The following BAG6 variants were observed in gnomAD, a reference collection of about 807,000 sequenced individuals.
BAG6 encodes the protein large proline-rich protein BAG6.
BAG6 carries 22 observed loss-of-function variants against 121.0 expected under a neutral mutation model. The ratio of observed to expected loss-of-function variants is 0.18; its 90% CI spans 0.13 to 0.26. The LOEUF (loss-of-function observed/expected upper bound fraction) is 0.26. Among genes scored for constraint, BAG6 ranks in the 10% least tolerant of loss-of-function variants. The pLI is 1.00. For missense variants in BAG6, 1,233 were observed against 1,537.7 expected (o/e 0.80, Z 3.31); for synonymous variants, 583 against 584.6 (o/e 1.00, Z 0.04).
At position 31,644,557 on chromosome 6, in the gene BAG6, G is replaced by A; in HGVS notation, c.1415C>T (p.Pro472Leu). 19 of 1,612,404 alleles carry A rather than the reference G, an allele frequency of 1.2e-5. No homozygotes were observed. The highest frequency in any genetic ancestry group is 1.6e-5 in the Non-Finnish European group (19 of 1,179,738). ...PGGVPSAPTG[P>L]LGPPGHGQTL... ...TTGGCCATGACCAGGGGGTCCCAGG[G>A]GGCCAGTGGGAGCACTCGGAACACC... Residue 472 changes from proline to leucine, a missense_variant, in exon 11 of 26, where the codon CCC becomes CTC. Physicochemically the swap from Pro to Leu is moderately conservative, Grantham distance 98. Around this residue, in one of 7 missense-constraint regions of BAG6, gnomAD observed 777 missense variants for 861.4 expected, o/e 0.90. Transcript: ENST00000676615. This position sits in a 1 kb window ranked among gnomAD's most constrained non-coding sequence, Gnocchi z 4.9.
At position 31,639,563 on chromosome 6, in the gene BAG6, C is replaced by T. The variant is rs758000851; in HGVS notation, c.3330G>A (p.Thr1110=). 25 of 1,613,994 alleles carry T rather than the reference C, an allele frequency of 1.5e-5. No homozygotes were observed. The highest frequency in any genetic ancestry group is 1.6e-4 in the Middle Eastern group (1 of 6,080). ...GGTCCCGGCTCAGGCTCTCGGGGCT[C>T]GTCAGGGGCCGAGCTCCGGCTGCCT... is the stretch of plus-strand genomic sequence containing the variant. ...AAKAAGARPL[T]SPESLSRDLE... The change falls in exon 25 of 26, where the codon ACG becomes ACA. Residue 1110 remains threonine, a synonymous_variant. Coordinates refer to ENST00000676615, the MANE Select transcript of BAG6 (RefSeq NM_001387994.1).
In BAG6 at chr6:31,641,504, C is replaced by T. The variant is rs61389213; in HGVS notation, c.2559+35G>A. Reference sequence around the variant, plus strand: ...GAGGAGGCAGCTGCCTTGACCAGACCCAGGAGAGGAAAGGAATAGAGAAGG... The same window carrying T: ...GAGGAGGCAGCTGCCTTGACCAGACTCAGGAGAGGAAAGGAATAGAGAAGG... On this transcript the variant is annotated intron_variant, in intron 18 of 25. Transcript: ENST00000676615. The surrounding 1 kb of genome is among the most constrained non-coding windows in gnomAD (Gnocchi z 5.7). 1,271 of 1,614,044 alleles carry T rather than the reference C, an allele frequency of 7.9e-4. 12 individuals are homozygous for T. The African/African-American group carries it at 0.014, about 17-fold the overall frequency.
rs760894097 is a variant in BAG6, at chr6:31,645,000, G to A, written c.1315C>T (p.Arg439Trp). The A allele has an allele frequency of 4.4e-6, 7 of 1,608,504 alleles. No homozygotes were observed. Among genetic ancestry groups the A allele is most frequent in the East Asian group, 2.2e-5 (1 of 44,812 alleles). ...GGTTCCACACTCTGGTGGGAAATCC[G>A]GATGACCCTCGGGTGGCTGGTGGCT... ...PPATSHPRVI[R>W]ISHQSVEPVV... is the part of the protein sequence containing the mutation. Residue 439 changes from arginine (R) to tryptophan (W), a missense_variant, in exon 10 of 26, where the codon CGG becomes TGG. By Grantham distance (101) the Arg-to-Trp change is moderately radical. Transcript: ENST00000676615. The surrounding 1 kb of genome is among the most constrained non-coding windows in gnomAD (Gnocchi z 4.9).
rs1010396680 is a variant in BAG6, at chr6:31,640,523, C to T, written c.3000G>A (p.Glu1000=). ...TTGTTCCAGGGGCTGGGGAAGCATT[C>T]TCCCGCTGGGTGTCAGATGGCGGGA... ...AERASPEPQR[E]NASPAPGTTA... The change falls in exon 23 of 26, where the codon GAG becomes GAA. Residue 1000 remains glutamate, a synonymous_variant. Coordinates refer to ENST00000676615, the MANE Select transcript of BAG6 (RefSeq NM_001387994.1). The surrounding 1 kb of genome is among the most constrained non-coding windows in gnomAD (Gnocchi z 4.2). 3.7e-6 allele frequency: 6 copies of T among 1,613,004 alleles called. No homozygotes were observed. The highest frequency in any genetic ancestry group is 5.1e-6 in the Non-Finnish European group (6 of 1,179,992).
In BAG6 at chr6:31,640,138, A is replaced by C; in HGVS notation, c.3246+61T>G. ...GCTCCCACCATCTCTACATAGTTTG[A>C]TTCCAGGCATGACGGGGAAACCTGG... is the stretch of plus-strand genomic sequence containing the variant. On this transcript the variant is annotated intron_variant, in intron 24 of 25. Transcript: ENST00000676615. This position sits in a 1 kb window ranked among gnomAD's most constrained non-coding sequence, Gnocchi z 4.2. The C allele has an allele frequency of 6.5e-7, 1 of 1,527,932 alleles. No homozygotes were observed. The highest frequency in any genetic ancestry group is 9.1e-7 in the Non-Finnish European group (1 of 1,104,318). The allele number at this position is 1,527,932 out of a possible 1,614,324, so 94.6% of individuals were successfully genotyped here.
chr6:31,639,484 T>C lies in BAG6; in HGVS notation c.3393+16A>G. The C allele has an allele frequency of 6.2e-7, 1 of 1,610,930 alleles. No homozygotes were observed. Among genetic ancestry groups the C allele is most frequent in the Non-Finnish European group, 8.5e-7 (1 of 1,177,896 alleles). On this transcript the variant is annotated intron_variant, in intron 25 of 25. Coordinates refer to ENST00000676615, the MANE Select transcript of BAG6 (RefSeq NM_001387994.1). ...CCCTCCCACTAGACCATCCCTATTC[T>C]GCTTCAAGGTGGCACCTGCTGCCTG...
intron 14 of BAG6, among the ~76,000 whole-genome samples, chr6:31,643,355 G>A (rs1784860450): frequency 6.6e-6 from 1 of 151,726 alleles, no homozygotes; most frequent in Admixed American, 6.6e-5. Context: ...AGGTTACAGT[G>A]AGCTTTAACT....
chr6:31,650,050 G>A (rs575715653), intron 2 of BAG6, among the ~76,000 whole-genome samples: 3 of 152,168 alleles, frequency 2.0e-5, no homozygotes, highest in East Asian at 1.9e-4. Context: ...GCAGTGAGCC[G>A]AGATCGCATC....
intron 4 of BAG6, 62 bp downstream of exon 4, chr6:31,649,136 TC>T: frequency 4.4e-6 from 7 of 1,587,094 alleles, no homozygotes; most frequent in Non-Finnish European, 6.0e-6. Flanking sequence ...TCTTATTAAT[TC>T]CCTGGTGCTA....
chr6:31,648,247 C>T (rs1018616983), intron 6 of BAG6, among the ~76,000 whole-genome samples: 2 of 152,102 alleles, frequency 1.3e-5, no homozygotes, highest in Non-Finnish European at 2.9e-5. Flanking sequence ...AACTCCTGAC[C>T]ACACGTTATC....
Position 31,639,130 on chromosome 6 carries a change from G to A in BAG6, c.*1C>T, listed in dbSNP as rs1164071308. On this transcript the variant is annotated 3_prime_UTR_variant, in exon 26 of 26. Transcript: ENST00000676615. ...ATGAGGAAGGGCCATAGAGCAAAGA[G>A]CTAAGGATCATCAGCAAAGGCCCGC... The A allele has an allele frequency of 2.5e-6, 4 of 1,575,920 alleles. No homozygotes were observed. Among genetic ancestry groups the A allele is most frequent in the Admixed American group, 3.4e-5 (2 of 59,384 alleles).
At position 31,644,269 on chromosome 6, in the gene BAG6, G is replaced by C; in HGVS notation, c.1555+38C>G. On this transcript the variant is annotated intron_variant, in intron 12 of 25. Transcript: ENST00000676615. This position sits in a 1 kb window ranked among gnomAD's most constrained non-coding sequence, Gnocchi z 4.9. ...TGCCAGCCAGCTGCCACCATGGACT[G>C]TGCCCTACCTCCCAAGCCTCCCCTT... is the stretch of plus-strand genomic sequence containing the variant. The C allele has an allele frequency of 6.4e-7, 1 of 1,558,644 alleles. No individual in the cohort carries two copies. The highest frequency in any genetic ancestry group is 8.7e-7 in the Non-Finnish European group (1 of 1,150,892).
chr6:31,649,698 G>C, intron 2 of BAG6, 71 bp from the exon 3 acceptor site: 2 of 1,380,500 alleles, frequency 1.4e-6, no homozygotes, highest in Non-Finnish European at 2.1e-6. Flanking sequence ...AGACAACCGA[G>C]TTGTGGAGGT....
chr6:31,644,608 C>T lies in BAG6; in HGVS notation c.1370-6G>A. The T allele has an allele frequency of 6.2e-7, 1 of 1,612,370 alleles. No individual in the cohort carries two copies. Among genetic ancestry groups the T allele is most frequent in the Non-Finnish European group, 8.5e-7 (1 of 1,179,768 alleles). ...ACCAGGCTGTGTGCCAGAATCTGGG[C>T]AGGGAGACAGAGACAGTGGCCCTGA... On this transcript the variant is annotated splice_polypyrimidine_tract_variant and splice_region_variant and intron_variant, in intron 10 of 25. Transcript: ENST00000676615. The surrounding 1 kb of genome is among the most constrained non-coding windows in gnomAD (Gnocchi z 4.9).
intron 2 of BAG6, among the ~76,000 whole-genome samples, chr6:31,650,030 G>A (rs1390140338): frequency 6.6e-6 from 1 of 152,132 alleles, no homozygotes; most frequent in Non-Finnish European, 1.5e-5. Flanking sequence ...GAATTCGGGA[G>A]GCGGAGGTTG....
At chr6:31,652,355 A>ACACACCCCCC (rs1554157706) in intron 1 of BAG6, 69 bp downstream of exon 1, 1 of 147,396 alleles carries the variant, frequency 6.8e-6, no homozygotes, top group African/African-American at 2.7e-5. Flanking sequence ...ACACACACAC[A>ACACACCCCCC]CACACCCACC....
In BAG6 at chr6:31,644,199, G is replaced by A. The variant is rs1786139469; in HGVS notation, c.1556-5C>T. On this transcript the variant is annotated splice_region_variant and splice_polypyrimidine_tract_variant and intron_variant, in intron 12 of 25. Transcript: ENST00000676615. The surrounding 1 kb of genome is among the most constrained non-coding windows in gnomAD (Gnocchi z 4.9). Reference sequence around the variant, plus strand: ...GGAAGCCTGGCACCTGCTGTCCTGTGGGTGGCAGAAGAGACAGACCGAAGA... The same window carrying A: ...GGAAGCCTGGCACCTGCTGTCCTGTAGGTGGCAGAAGAGACAGACCGAAGA... 1 of 1,611,872 alleles carries A rather than the reference G, an allele frequency of 6.2e-7. No homozygotes were observed. Among genetic ancestry groups the A allele is most frequent in the South Asian group, 1.1e-5 (1 of 90,804 alleles).
Position 31,641,011 on chromosome 6 carries a change from A to C in BAG6, c.2788-73T>G. ...TAGAAATAGATTAGATCCAGGTTAC[A>C]GAATGTCAGTTTAGAAAAGAAAAAT... On this transcript the variant is annotated intron_variant, in intron 20 of 25. Coordinates refer to ENST00000676615, the MANE Select transcript of BAG6 (RefSeq NM_001387994.1). The surrounding 1 kb of genome is among the most constrained non-coding windows in gnomAD (Gnocchi z 5.7). 6.3e-7 allele frequency: 1 copy of C among 1,599,284 alleles called. No homozygotes were observed. Among genetic ancestry groups the C allele is most frequent in the Non-Finnish European group, 8.5e-7 (1 of 1,172,694 alleles).
In BAG6 at chr6:31,645,477, A is replaced by G; in HGVS notation, c.1046T>C (p.Leu349Pro). ...CNLACTPPRHLHVVRPMSHYT... is the reference protein window; with the variant it reads ...CNLACTPPRHPHVVRPMSHYT... ...GTGAGACATAGGCCGGACCACATGC[A>G]GGTGTCGTGGGGGCGTGCAGGCCAG... The change falls in exon 9 of 26, where the codon CTG becomes CCG. Residue 349 changes from leucine to proline, a missense_variant. Around this residue, in one of 7 missense-constraint regions of BAG6, gnomAD observed 777 missense variants for 861.4 expected, o/e 0.90. Coordinates refer to ENST00000676615, the MANE Select transcript of BAG6 (RefSeq NM_001387994.1). The G allele has an allele frequency of 6.2e-7, 1 of 1,613,088 alleles. No individual in the cohort carries two copies. The highest frequency in any genetic ancestry group is 8.5e-7 in the Non-Finnish European group (1 of 1,180,026).
Sources: allele counts gnomAD v4.1 joint callset (sites outside exome capture counted in the v4.1 genomes callset), GRCh38; gene constraint gnomAD v4.1.1; regional missense constraint gnomAD v4.1.1; non-coding constraint Gnocchi (gnomAD v3.1); transcripts MANE v1.5; gene names NCBI Gene and HGNC (gene_info 2026-07-23, HGNC 2026-07-21).